CRISPLD1: variants seen among roughly 807,000 people sequenced by gnomAD.
The protein encoded by CRISPLD1 is cysteine rich secretory protein LCCL domain containing 1, also known as cysteine-rich secretory protein LCCL domain-containing 1.
In CRISPLD1, 60 loss-of-function variants were observed where a neutral mutation model predicts 77.5. The observed-to-expected ratio is 0.77, with a 90% confidence interval of 0.63 to 0.96. The LOEUF (loss-of-function observed/expected upper bound fraction) is 0.96. CRISPLD1 is among the 40% of genes least tolerant of loss of function. The probability of loss-of-function intolerance (pLI) is 0.00; values close to 1 mark genes in which losing one functional copy is unlikely to be tolerated. For missense variants in CRISPLD1, 623 were observed against 615.8 expected (o/e 1.01, Z -0.12); for synonymous variants, 195 against 200.1 (o/e 0.97, Z 0.22).
intron 2 of CRISPLD1, among the ~76,000 whole-genome samples, chr8:74,998,899 A>G (rs1205683758): frequency 6.6e-6 from 1 of 151,854 alleles, no homozygotes; most frequent in African/African-American, 2.4e-5. Context: ...TCTGGAGACT[A>G]GAACGAGATA....
At chr8:75,023,399 T>C (rs1813174195) in intron 12 of CRISPLD1, among the ~76,000 whole-genome samples, 3 of 152,324 alleles carry the variant, frequency 2.0e-5, no homozygotes, top group Admixed American at 6.5e-5. Flanking sequence ...CCCTTCTTCC[T>C]GCAGAAACCC....
intron 12 of CRISPLD1, among the ~76,000 whole-genome samples, chr8:75,020,907 T>C (rs929515679): frequency 2.0e-5 from 3 of 152,186 alleles, no homozygotes; most frequent in Non-Finnish European, 2.9e-5. Flanking sequence ...AAAAAAGCTT[T>C]ATTTATCTTG....
Position 74,992,905 on chromosome 8 carries a change from G to T in CRISPLD1, c.258+6660G>T, listed in dbSNP as rs200097167. On this transcript the variant is annotated intron_variant, in intron 2 of 14. Coordinates refer to ENST00000262207, the MANE Select transcript of CRISPLD1 (RefSeq NM_031461.6). ...GCCATGCTTAAAATTAGAAATTATGGTTTTTTTTTTTTTTTTTTTTTCCTT... is the reference window on the plus strand; with the variant it reads ...GCCATGCTTAAAATTAGAAATTATGTTTTTTTTTTTTTTTTTTTTTTCCTT... Among the ~76,000 whole-genome samples the T allele has an allele frequency of 6.7e-4, 77 of 115,184 alleles. No homozygotes were observed. The East Asian group carries it at 0.012, about 18-fold the overall frequency. 75.6% of individuals were successfully genotyped at this position (115,184 alleles called of 152,430 possible). A position where few individuals can be genotyped will look rare whatever the true frequency, so the allele number is the denominator to read the frequency against.
At chr8:75,016,075 G>A (rs1439280827) in intron 6 of CRISPLD1, among the ~76,000 whole-genome samples, 1 of 151,798 alleles carries the variant, frequency 6.6e-6, no homozygotes, top group East Asian at 1.9e-4. Flanking sequence ...TTCTTCTAAA[G>A]GAAAAAAACT....
chr8:75,019,457 C>G (rs1164870715), intron 10 of CRISPLD1, among the ~76,000 whole-genome samples: 3 of 152,024 alleles, frequency 2.0e-5, no homozygotes, highest in Admixed American at 2.0e-4. Flanking sequence ...TGGACGCTCC[C>G]TTAGTTACTT....
chr8:75,022,943 G>A (rs1813163495), intron 12 of CRISPLD1, among the ~76,000 whole-genome samples: 1 of 151,878 alleles, frequency 6.6e-6, no homozygotes, highest in Admixed American at 6.6e-5. Flanking sequence ...AAAATTATAA[G>A]AAATGTTATC....
chr8:75,021,809 TA>T (rs1813140741), intron 12 of CRISPLD1, among the ~76,000 whole-genome samples: 1 of 152,150 alleles, frequency 6.6e-6, no homozygotes, highest in African/African-American at 2.4e-5. Flanking sequence ...AGCATCATAA[TA>T]TGTGAAAAAA....
chr8:75,006,000 A>G (rs1167276636), intron 2 of CRISPLD1, among the ~76,000 whole-genome samples: 2 of 152,098 alleles, frequency 1.3e-5, no homozygotes, highest in African/African-American at 4.8e-5. Context: ...TTGGGCTTCT[A>G]GTGTGCCCAT....
intron 2 of CRISPLD1, chr8:75,000,416 A>G: frequency 2.0e-6 from 2 of 985,342 alleles, no homozygotes; most frequent in South Asian, 9.4e-5. Flanking sequence ...ATAAGTGAGT[A>G]CAACCTGAAC....
chr8:75,005,555 AAC>A (rs1812814652), intron 2 of CRISPLD1, among the ~76,000 whole-genome samples: 1 of 152,072 alleles, frequency 6.6e-6, no homozygotes, highest in African/African-American at 2.4e-5. Flanking sequence ...ATAGGTCCAG[AAC>A]ACACAGCACT....
intron 10 of CRISPLD1, among the ~76,000 whole-genome samples, chr8:75,018,664 A>AT (rs1563400838): frequency 6.6e-6 from 1 of 151,388 alleles, no homozygotes; most frequent in African/African-American, 2.4e-5. Context: ...CAAAAAAAAA[A>AT]TTTTTTTTAA....
At chr8:75,017,594 T>C in intron 10 of CRISPLD1, 144 bp downstream of exon 10, 2 of 755,830 alleles carry the variant, frequency 2.6e-6, no homozygotes, top group South Asian at 4.9e-5. Flanking sequence ...TGTAGTTTTC[T>C]TAGACAAAAA....
At chr8:75,028,955 G>C (rs1055933512) in intron 13 of CRISPLD1, among the ~76,000 whole-genome samples, 7 of 152,126 alleles carry the variant, frequency 4.6e-5, no homozygotes, top group Non-Finnish European at 8.8e-5. Context: ...AGGCAAAAGT[G>C]AACATACATG....
chr8:75,029,467 C>T lies in CRISPLD1; in HGVS notation c.1401C>T (p.Asp467=). 1 of 1,613,738 alleles carries T rather than the reference C, an allele frequency of 6.2e-7. No homozygotes were observed. Among genetic ancestry groups the T allele is most frequent in the Non-Finnish European group, 8.5e-7 (1 of 1,179,760 alleles). The part of the protein sequence containing the change: ...HGGYVDVMPV[D]KRKTYIASFQ... ...GTTATGTTGATGTAATGCCTGTGGACAAAAGAAAGACCTACATTGCTTCTT... is the reference window on the plus strand; with the variant it reads ...GTTATGTTGATGTAATGCCTGTGGATAAAAGAAAGACCTACATTGCTTCTT... The change falls in exon 14 of 15, where the codon GAC becomes GAT. Residue 467 remains aspartate, a synonymous_variant. Transcript: ENST00000262207.
intron 12 of CRISPLD1, among the ~76,000 whole-genome samples, chr8:75,021,969 G>C (rs1468741085): frequency 6.6e-6 from 1 of 152,052 alleles, no homozygotes; most frequent in Non-Finnish European, 1.5e-5. Context: ...TAACATAAAG[G>C]CTCTCACTAG....
At chr8:74,986,324 T>C (rs1812495179) in intron 2 of CRISPLD1, 79 bp downstream of exon 2, 1 of 1,348,926 alleles carries the variant, frequency 7.4e-7, no homozygotes, top group Non-Finnish European at 1.0e-6. Flanking sequence ...TGCTGTTCTT[T>C]AATCATTTAT....
chr8:75,019,866 TC>T lies in CRISPLD1; in HGVS notation c.1128-3del, dbSNP rs1813101606. On this transcript the variant is annotated splice_region_variant and splice_polypyrimidine_tract_variant and intron_variant, in intron 10 of 14. Coordinates refer to ENST00000262207, the MANE Select transcript of CRISPLD1 (RefSeq NM_031461.6). ...AATTAACATTTCTGTATTTTTACCT[TC>T]AGCAAATATCAGTCTGCTAATTCCT... 1.9e-6 allele frequency: 3 copies of T among 1,608,792 alleles called. No homozygotes were observed. The highest frequency in any genetic ancestry group is 2.6e-6 in the Non-Finnish European group (3 of 1,175,996).
At chr8:74,991,675 C>T (rs1304395385) in intron 2 of CRISPLD1, among the ~76,000 whole-genome samples, 1 of 152,082 alleles carries the variant, frequency 6.6e-6, no homozygotes, top group East Asian at 1.9e-4. Flanking sequence ...AAATGGTGGG[C>T]GTGTGTCACT....
At position 75,016,918 on chromosome 8, in the gene CRISPLD1, G is replaced by T; in HGVS notation, c.906G>T (p.Gln302His). Residue 302 changes from glutamine (Q) to histidine (H), a missense_variant, in exon 8 of 15, where the codon CAG (glutamine) becomes CAT (histidine). Coordinates refer to ENST00000262207, the MANE Select transcript of CRISPLD1 (RefSeq NM_031461.6). ...CTTGTGAAGTAAGATTAAGAGATCAGTGCAAAGGAACAACCTGCAATAGGT... is the reference window on the plus strand; with the variant it reads ...CTTGTGAAGTAAGATTAAGAGATCATTGCAAAGGAACAACCTGCAATAGGT... ...IVSCEVRLRD[Q>H]CKGTTCNRYE... 5 of 1,570,590 alleles carry T rather than the reference G, an allele frequency of 3.2e-6. No individual in the cohort carries two copies. Among genetic ancestry groups the T allele is most frequent in the Non-Finnish European group, 4.3e-6 (5 of 1,156,278 alleles).
Sources: gnomAD v4.1 joint callset for allele counts (sites outside exome capture counted in the v4.1 genomes callset) on GRCh38, gnomAD v4.1.1 for gene constraint, MANE v1.5 for transcripts, NCBI Gene and HGNC (gene_info 2026-07-23, HGNC 2026-07-21) for gene names.